PTPRG: variants seen among roughly 807,000 people sequenced by gnomAD.
The protein encoded by PTPRG is receptor-type tyrosine-protein phosphatase gamma.
In PTPRG, 102 loss-of-function variants were observed where a neutral mutation model predicts 165.3. The observed-to-expected ratio is 0.62, with a 90% CI of 0.53 to 0.73. PTPRG has a LOEUF of 0.73. PTPRG is among the 30% of genes least tolerant of loss of function. The pLI is 0.00. For synonymous variants in PTPRG, 675 were observed against 669.5 expected (o/e 1.01, Z -0.13); for missense variants, 1,866 against 1,861.4 (o/e 1.00, Z -0.05).
At chr3:61,741,468 C>G (rs1207950704) in intron 1 of PTPRG, among the ~76,000 whole-genome samples, 1 of 152,168 alleles carries the variant, frequency 6.6e-6, no homozygotes, top group Admixed American at 6.5e-5. Context: ...TATATGGAAG[C>G]TGACCTATTC....
intron 2 of PTPRG, among the ~76,000 whole-genome samples, chr3:61,789,317 G>A (rs1326676769): frequency 6.6e-6 from 1 of 152,034 alleles, no homozygotes; most frequent in Non-Finnish European, 1.5e-5. Context: ...GCCCAGGCTG[G>A]TCTCAGACTC....
intron 1 of PTPRG, among the ~76,000 whole-genome samples, chr3:61,618,947 G>A (rs12493879): frequency 0.43 from 61,210 of 141,036 alleles, 14,464 homozygotes; most frequent in Middle Eastern, 0.62. Context: ...TTCGAGACCA[G>A]CCTGGGCAGC....
chr3:61,889,831 TC>T (rs1258856012), intron 2 of PTPRG, among the ~76,000 whole-genome samples: 1 of 152,200 alleles, frequency 6.6e-6, no homozygotes, highest in Non-Finnish European at 1.5e-5. Flanking sequence ...TTAGCTTATT[TC>T]CCTTGTCAGT....
At chr3:62,036,928 G>A (rs984972095) in intron 4 of PTPRG, among the ~76,000 whole-genome samples, 1 of 151,992 alleles carries the variant, frequency 6.6e-6, no homozygotes, top group African/African-American at 2.4e-5. Context: ...GAAAACTCAG[G>A]CTCGTTTGCC....
chr3:62,216,545 C>G lies in PTPRG; in HGVS notation c.2156-2306C>G, dbSNP rs79676118. Reference sequence around the variant, plus strand: ...CATCCAGGTCTTTGAGATTCCCCCCCCTCCCCCACCAGCCAGATAATTGCC... The same window carrying G: ...CATCCAGGTCTTTGAGATTCCCCCCGCTCCCCCACCAGCCAGATAATTGCC... On this transcript the variant is annotated intron_variant, in intron 12 of 29. Coordinates refer to ENST00000474889, the MANE Select transcript of PTPRG (RefSeq NM_002841.4). 1.8e-3 allele frequency among the ~76,000 whole-genome samples: 270 copies of G among 152,080 alleles called. 9 individuals are homozygous for G. In the East Asian group the frequency reaches 0.034, roughly 19 times the overall value.
At chr3:62,236,618 T>A (rs1277752567) in intron 14 of PTPRG, among the ~76,000 whole-genome samples, 3 of 152,206 alleles carry the variant, frequency 2.0e-5, no homozygotes, top group Admixed American at 2.0e-4. Context: ...GCAATTAGAA[T>A]TTTGAGCTAC....
intron 7 of PTPRG, among the ~76,000 whole-genome samples, chr3:62,166,485 A>G (rs1704990647): frequency 6.6e-6 from 1 of 151,262 alleles, no homozygotes; most frequent in African/African-American, 2.4e-5. Context: ...TAAGGCATGC[A>G]CCATTATGCC....
At chr3:62,069,684 T>TCTCTCTCTCTCTCTCTCACACACA (rs542306888) in intron 4 of PTPRG, among the ~76,000 whole-genome samples, 3 of 145,068 alleles carry the variant, frequency 2.1e-5, no homozygotes, top group South Asian at 2.3e-4. Flanking sequence ...TCTCTCTCTC[T>TCTCTCTCTCTCTCTCTCACACACA]CACACACAGA....
At chr3:62,013,172 A>G (rs2041466284) in intron 4 of PTPRG, among the ~76,000 whole-genome samples, 1 of 152,322 alleles carries the variant, frequency 6.6e-6, no homozygotes, top group East Asian at 1.9e-4. Flanking sequence ...AATACATTCC[A>G]AAATATTGTT....
At chr3:62,001,439 G>A (rs551023527) in intron 3 of PTPRG, among the ~76,000 whole-genome samples, 62 of 152,176 alleles carry the variant, frequency 4.1e-4, no homozygotes, top group African/African-American at 1.2e-3. Context: ...TTTTGCCTTC[G>A]TCCTGTGGAT....
chr3:61,599,376 G>A (rs1458020045), intron 1 of PTPRG, among the ~76,000 whole-genome samples: 2 of 152,186 alleles, frequency 1.3e-5, no homozygotes, highest in Non-Finnish European at 2.9e-5. Context: ...TCGAACTCCT[G>A]ACATCAAGTG....
chr3:61,597,115 C>T (rs1380864728), intron 1 of PTPRG, among the ~76,000 whole-genome samples: 3 of 152,134 alleles, frequency 2.0e-5, no homozygotes, highest in African/African-American at 4.8e-5. Context: ...AAGGAACTTA[C>T]TCTCCCAGTA....
At chr3:61,987,640 T>A (rs907669213) in intron 2 of PTPRG, among the ~76,000 whole-genome samples, 1 of 152,156 alleles carries the variant, frequency 6.6e-6, no homozygotes, top group African/African-American at 2.4e-5. Flanking sequence ...CATACACATA[T>A]GATATTATGA....
At chr3:62,066,995 G>A (rs910371116) in intron 4 of PTPRG, among the ~76,000 whole-genome samples, 10 of 140,412 alleles carry the variant, frequency 7.1e-5, no homozygotes, top group Admixed American at 2.3e-4. Flanking sequence ...CCGAGATCAC[G>A]CCACTGCACT....
At chr3:61,628,677 A>C (rs1020016618) in intron 1 of PTPRG, among the ~76,000 whole-genome samples, 4 of 152,144 alleles carry the variant, frequency 2.6e-5, no homozygotes, top group African/African-American at 9.7e-5. Flanking sequence ...ATGGTAAATT[A>C]TTTGGATTTG....
intron 16 of PTPRG, 88 bp from the exon 17 acceptor site, chr3:62,262,710 G>A (rs950243543): frequency 3.7e-6 from 3 of 817,826 alleles, no homozygotes; most frequent in Non-Finnish European, 5.5e-6. Flanking sequence ...TGTGGCCAGG[G>A]AGTGAGTAAA....
chr3:62,130,208 G>A (rs1373450687), intron 5 of PTPRG, among the ~76,000 whole-genome samples: 2 of 152,146 alleles, frequency 1.3e-5, no homozygotes, highest in South Asian at 2.1e-4. Flanking sequence ...GCAGGCCAGT[G>A]AGTCTAGAAG....
intron 2 of PTPRG, among the ~76,000 whole-genome samples, chr3:61,856,568 A>T (rs1356180474): frequency 1.3e-5 from 2 of 152,118 alleles, no homozygotes. Flanking sequence ...TTGCATGCAT[A>T]CAAGTGTATT....
At chr3:61,683,139 G>T (rs1024436571) in intron 1 of PTPRG, among the ~76,000 whole-genome samples, 4 of 152,188 alleles carry the variant, frequency 2.6e-5, no homozygotes, top group Non-Finnish European at 4.4e-5. Flanking sequence ...TGGAATCTTT[G>T]AGGTGTTTTT....
Sources: gnomAD v4.1 joint callset for allele counts (sites outside exome capture counted in the v4.1 genomes callset) on GRCh38, gnomAD v4.1.1 for gene constraint, MANE v1.5 for transcripts, NCBI Gene and HGNC (gene_info 2026-07-23, HGNC 2026-07-21) for gene names.